The following RAP1GAP2 variants were observed in gnomAD, a reference collection of about 807,000 sequenced individuals.
RAP1GAP2 encodes the protein RAP1 GTPase activating protein 2, also known as rap1 GTPase-activating protein 2.
RAP1GAP2 carries 27 observed loss-of-function variants against 95.0 expected under a neutral mutation model. The observed-to-expected ratio is 0.28, with a 90% confidence interval of 0.21 to 0.39. RAP1GAP2 has a LOEUF of 0.39. Among genes scored for constraint, RAP1GAP2 ranks in the 10% least tolerant of loss-of-function variants. The pLI, the probability that RAP1GAP2 is intolerant of heterozygous loss-of-function variation, is 1.00. For synonymous variants in RAP1GAP2, 373 were observed against 380.9 expected, an observed-to-expected ratio of 0.98 and a Z score of 0.24; for missense variants, 771 against 970.0, an observed-to-expected ratio of 0.79 and a Z score of 2.72.
intron 2 of RAP1GAP2, among the ~76,000 whole-genome samples, chr17:2,869,945 C>A (rs1395398303): frequency 6.6e-6 from 1 of 152,108 alleles, no homozygotes; most frequent in Non-Finnish European, 1.5e-5. Flanking sequence ...AGTTTTGTGA[C>A]CACAATGTGG....
At chr17:2,926,830 C>A (rs2151780988) in intron 3 of RAP1GAP2, among the ~76,000 whole-genome samples, 1 of 151,728 alleles carries the variant, frequency 6.6e-6, no homozygotes, top group Admixed American at 6.6e-5. Context: ...CATGGTGAAA[C>A]CCTGTCTCTA....
chr17:2,958,927 T>G (rs1360473115), intron 4 of RAP1GAP2, among the ~76,000 whole-genome samples: 1 of 152,132 alleles, frequency 6.6e-6, no homozygotes, highest in African/African-American at 2.4e-5. Context: ...AATTGTCCTC[T>G]GCGCCCAGCA....
At chr17:2,957,656 G>A (rs779411585) in intron 3 of RAP1GAP2, 103 bp from the exon 4 acceptor site, 169 of 1,300,430 alleles carry the variant, frequency 1.3e-4, no homozygotes, top group Non-Finnish European at 1.7e-4. Context: ...TGTCCCTGGG[G>A]AAGCCCCAGG....
Position 2,797,656 on chromosome 17 carries a change from A to AG in RAP1GAP2, c.44+1092dup, listed in dbSNP as rs548015054. Reference sequence around the variant, plus strand: ...AGCACTTTGCCATCCATCCTCTGGCAGGGGGGGACTGTGGGCACTCCATGT... The same window carrying AG: ...AGCACTTTGCCATCCATCCTCTGGCAGGGGGGGGACTGTGGGCACTCCATGT... On this transcript the variant is annotated intron_variant, in intron 1 of 24. Transcript: ENST00000254695. This position sits in a 1 kb window ranked among gnomAD's most constrained non-coding sequence, Gnocchi z 5.6. The AG allele has an allele frequency of 1.5e-5, 15 of 977,772 alleles. No individual in the cohort carries two copies. Among genetic ancestry groups the AG allele is most frequent in the South Asian group, 1.4e-4 (3 of 20,932 alleles). 60.6% of individuals were successfully genotyped at this position (977,772 alleles called of 1,614,324 possible).
intron 8 of RAP1GAP2, among the ~76,000 whole-genome samples, chr17:2,969,732 GACCTCAGGTGAT>G (rs2044775750): frequency 6.6e-6 from 1 of 151,734 alleles, no homozygotes; most frequent in Non-Finnish European, 1.5e-5. Context: ...CCGAACTCCT[GACCTCAGGTGAT>G]CTGCCCTCCT....
intron 2 of RAP1GAP2, among the ~76,000 whole-genome samples, chr17:2,770,762 C>A (rs927774389): frequency 6.6e-6 from 1 of 152,188 alleles, no homozygotes; most frequent in African/African-American, 2.4e-5. Flanking sequence ...GGAGATTGGT[C>A]GGGCTCAGTG....
At chr17:2,928,697 C>T (rs116403845) in intron 3 of RAP1GAP2, among the ~76,000 whole-genome samples, 2,303 of 152,152 alleles carry the variant, frequency 0.015, 48 homozygotes, top group African/African-American at 0.053. Flanking sequence ...ACTCCAGCAG[C>T]GCCTTCCAGC....
At chr17:2,868,979 T>A (rs2072731781) in intron 2 of RAP1GAP2, among the ~76,000 whole-genome samples, 1 of 152,116 alleles carries the variant, frequency 6.6e-6, no homozygotes, top group African/African-American at 2.4e-5. Context: ...TCATGAGGGC[T>A]CAAATCCTGC....
chr17:2,954,241 A>T (rs1033273796), intron 3 of RAP1GAP2, among the ~76,000 whole-genome samples: 1 of 151,884 alleles, frequency 6.6e-6, no homozygotes, highest in Non-Finnish European at 1.5e-5. Flanking sequence ...AGTAGCTGGG[A>T]TTACAGGCGC....
Position 3,008,189 on chromosome 17 carries a change from T to C in RAP1GAP2, c.1494+44T>C. The C allele has an allele frequency of 6.2e-7, 1 of 1,610,940 alleles. No homozygotes were observed. Among genetic ancestry groups the C allele is most frequent in the Non-Finnish European group, 8.5e-7 (1 of 1,177,944 alleles). The stretch of plus-strand genomic sequence containing the variant: ...CTGATGGTTGCTGTGGGGTTGGGAT[T>C]GGGGAAGAAAGGAAGTGGTCCAAGG... On this transcript the variant is annotated intron_variant, in intron 17 of 24. Transcript: ENST00000254695. This position sits in a 1 kb window ranked among gnomAD's most constrained non-coding sequence, Gnocchi z 4.2.
intron 3 of RAP1GAP2, 97 bp downstream of exon 3, chr17:2,905,465 G>T: frequency 8.2e-7 from 1 of 1,223,178 alleles, no homozygotes. Context: ...AGCGTCCGTC[G>T]CAGTGGGGCT....
chr17:2,785,221 G>C (rs1328820163), intron 1 of RAP1GAP2, among the ~76,000 whole-genome samples: 1 of 152,126 alleles, frequency 6.6e-6, no homozygotes, highest in Non-Finnish European at 1.5e-5. Context: ...CTCATTTAGG[G>C]CCTGCTCTCC....
chr17:2,877,148 C>T (rs1267736996), intron 2 of RAP1GAP2, among the ~76,000 whole-genome samples: 1 of 152,084 alleles, frequency 6.6e-6, no homozygotes, highest in Non-Finnish European at 1.5e-5. Context: ...CTCAGCCTCC[C>T]AAAGTGCTGG....
chr17:2,935,766 G>C (rs1181184886), intron 3 of RAP1GAP2, among the ~76,000 whole-genome samples: 6 of 152,204 alleles, frequency 3.9e-5, no homozygotes, highest in African/African-American at 1.2e-4. Flanking sequence ...AGGCAAGTGA[G>C]GCGCGAGGCC....
At chr17:3,030,146 ATATGTATATACATATG>A (rs2047247093) in intron 22 of RAP1GAP2, among the ~76,000 whole-genome samples, 3 of 147,562 alleles carry the variant, frequency 2.0e-5, no homozygotes, top group South Asian at 4.2e-4. Context: ...ATTATATGTT[ATATGTATATACATATG>A]TATAATATAT....
intron 2 of RAP1GAP2, among the ~76,000 whole-genome samples, chr17:2,897,395 G>A (rs2041868956): frequency 6.6e-6 from 1 of 151,392 alleles, no homozygotes; most frequent in Admixed American, 6.6e-5. Flanking sequence ...TGTGCTTCCT[G>A]ACACGTTCCT....
At chr17:2,875,628 G>A (rs374905378) in intron 2 of RAP1GAP2, among the ~76,000 whole-genome samples, 9 of 152,152 alleles carry the variant, frequency 5.9e-5, no homozygotes, top group East Asian at 3.9e-4. Flanking sequence ...GGGCCTGACC[G>A]TGACAGGAGG....
chr17:2,761,041 G>A (rs1181607754), intron 1 of RAP1GAP2, among the ~76,000 whole-genome samples: 3 of 151,416 alleles, frequency 2.0e-5, no homozygotes, highest in African/African-American at 4.9e-5. Flanking sequence ...TGCAACCTCC[G>A]CCTCCGGGGT....
intron 1 of RAP1GAP2, chr17:2,770,261 G>C (rs117246464): frequency 7.5e-6 from 3 of 398,128 alleles, no homozygotes; most frequent in Non-Finnish European, 1.3e-5. Context: ...CCGGCAAGCA[G>C]GGCTGACTCT....
Sources: allele counts gnomAD v4.1 joint callset (sites outside exome capture counted in the v4.1 genomes callset), GRCh38; gene constraint gnomAD v4.1.1; non-coding constraint Gnocchi (gnomAD v3.1); transcripts MANE v1.5; gene names NCBI Gene and HGNC (gene_info 2026-07-23, HGNC 2026-07-21).